Variants in CDH13 observed in about 807,000 individuals in gnomAD.
CDH13 encodes cadherin-13.
CDH13 carries 24 observed loss-of-function variants against 63.8 expected under a neutral mutation model. The observed-to-expected ratio is 0.38, with a 90% CI of 0.27 to 0.53. The LOEUF is 0.53. Among genes scored for constraint, CDH13 ranks in the 20% least tolerant of loss-of-function variants. CDH13 has a pLI of 0.85. For missense variants in CDH13, 1,049 were observed against 903.1 expected, an observed-to-expected ratio of 1.16 and a Z score of -2.07; for synonymous variants, 503 against 355.3, an observed-to-expected ratio of 1.42 and a Z score of -4.67.
intron 1 of CDH13, among the ~76,000 whole-genome samples, chr16:82,716,449 A>G (rs557516363): frequency 2.0e-5 from 3 of 151,850 alleles, no homozygotes; most frequent in Non-Finnish European, 2.9e-5. Context: ...AATTTAGATA[A>G]GTCACAAATA....
At chr16:83,238,052 C>G (rs754040741) in intron 5 of CDH13, among the ~76,000 whole-genome samples, 6 of 152,096 alleles carry the variant, frequency 3.9e-5, no homozygotes, top group Non-Finnish European at 8.8e-5. Flanking sequence ...CCTTGGAATC[C>G]TGGTTACCAA....
intron 4 of CDH13, among the ~76,000 whole-genome samples, chr16:83,186,036 C>G (rs1312254657): frequency 2.0e-5 from 3 of 151,718 alleles, no homozygotes; most frequent in African/African-American, 7.3e-5. Context: ...GTCATTTAGT[C>G]ATTAAATTAG....
intron 8 of CDH13, among the ~76,000 whole-genome samples, chr16:83,662,870 A>C (rs574526922): frequency 6.6e-6 from 1 of 152,198 alleles, no homozygotes; most frequent in Admixed American, 6.5e-5. Flanking sequence ...ACAGACAAGA[A>C]CACAGGGAAC....
At chr16:83,723,814 A>G (rs1910004792) in intron 10 of CDH13, among the ~76,000 whole-genome samples, 1 of 152,264 alleles carries the variant, frequency 6.6e-6, no homozygotes, top group African/African-American at 2.4e-5. Context: ...TAATAGCTAC[A>G]CAATAAATAT....
chr16:83,432,193 C>T (rs537929596), intron 6 of CDH13, among the ~76,000 whole-genome samples: 1 of 152,132 alleles, frequency 6.6e-6, no homozygotes, highest in Non-Finnish European at 1.5e-5. Context: ...ACGTGGGAAT[C>T]TTTTATCCAC....
At chr16:82,741,486 C>T (rs963649681) in intron 1 of CDH13, among the ~76,000 whole-genome samples, 3 of 152,184 alleles carry the variant, frequency 2.0e-5, no homozygotes, top group Admixed American at 6.5e-5. Flanking sequence ...TAATAATAGA[C>T]TGGAATTAGT....
At chr16:82,931,601 C>T (rs1400377412) in intron 2 of CDH13, among the ~76,000 whole-genome samples, 1 of 150,910 alleles carries the variant, frequency 6.6e-6, no homozygotes, top group Non-Finnish European at 1.5e-5. Flanking sequence ...ATACCTGAGA[C>T]TGGGTAATTT....
At chr16:83,028,277 A>C (rs1002042205) in intron 2 of CDH13, among the ~76,000 whole-genome samples, 7 of 152,238 alleles carry the variant, frequency 4.6e-5, no homozygotes, top group African/African-American at 1.7e-4. Flanking sequence ...CCAAAAACTG[A>C]AACTAAGCAT....
intron 5 of CDH13, among the ~76,000 whole-genome samples, chr16:83,319,490 T>G (rs538561936): frequency 1.4e-4 from 21 of 152,336 alleles, no homozygotes; most frequent in African/African-American, 5.1e-4. Flanking sequence ...TTTCTAGGCA[T>G]GTGAAAAACA....
chr16:83,473,135 C>G (rs898967593), intron 6 of CDH13, among the ~76,000 whole-genome samples: 1 of 152,176 alleles, frequency 6.6e-6, no homozygotes, highest in Non-Finnish European at 1.5e-5. Context: ...GATCCTTCAT[C>G]AAGTTTTATT....
chr16:83,494,390 C>T (rs2074088705), intron 7 of CDH13, among the ~76,000 whole-genome samples: 1 of 152,142 alleles, frequency 6.6e-6, no homozygotes, highest in Admixed American at 6.6e-5. Context: ...AGTTATTGAA[C>T]TTAAATAACA....
intron 3 of CDH13, among the ~76,000 whole-genome samples, chr16:83,108,150 C>A (rs542571385): frequency 5.3e-5 from 8 of 152,042 alleles, no homozygotes; most frequent in Non-Finnish European, 1.2e-4. Flanking sequence ...CTTTCTCTTC[C>A]TTCATTCCCC....
chr16:82,937,692 T>G (rs1437490370), intron 2 of CDH13, among the ~76,000 whole-genome samples: 1 of 152,226 alleles, frequency 6.6e-6, no homozygotes, highest in African/African-American at 2.4e-5. Context: ...CTGCAGGAAC[T>G]TCATTTTTTC....
intron 8 of CDH13, among the ~76,000 whole-genome samples, chr16:83,649,059 A>T (rs1912113735): frequency 6.6e-6 from 1 of 152,202 alleles, no homozygotes; most frequent in Admixed American, 6.5e-5. Context: ...CTTTTTACTT[A>T]AAATTTCTTA....
chr16:82,714,248 C>T (rs2032184315), intron 1 of CDH13, among the ~76,000 whole-genome samples: 1 of 152,206 alleles, frequency 6.6e-6, no homozygotes. Flanking sequence ...AACATACCCG[C>T]TTCCAAGTCT....
chr16:83,618,411 A>C (rs8058485), intron 8 of CDH13, among the ~76,000 whole-genome samples: 67,471 of 148,246 alleles, frequency 0.46, 16,820 homozygotes, highest in African/African-American at 0.67. Flanking sequence ...GAGAACAGAG[A>C]GAGACTCCAA....
chr16:82,800,128 G>T (rs745703621), intron 1 of CDH13, among the ~76,000 whole-genome samples: 1 of 152,054 alleles, frequency 6.6e-6, no homozygotes, highest in Non-Finnish European at 1.5e-5. Flanking sequence ...TGTCTGTCTT[G>T]TCAATAAGCA....
At chr16:83,730,880 G>A (rs1910968019) in intron 10 of CDH13, among the ~76,000 whole-genome samples, 1 of 152,132 alleles carries the variant, frequency 6.6e-6, no homozygotes, top group African/African-American at 2.4e-5. Context: ...TGTACTCAAT[G>A]TTTAGCTCCC....
At chr16:83,211,925 C>A (rs1474033337) in intron 4 of CDH13, among the ~76,000 whole-genome samples, 2 of 152,060 alleles carry the variant, frequency 1.3e-5, no homozygotes, top group African/African-American at 4.8e-5. Context: ...AAAAAACATC[C>A]CACTGTGAAA....
Sources: allele counts gnomAD v4.1 joint callset (sites outside exome capture counted in the v4.1 genomes callset), GRCh38; gene constraint gnomAD v4.1.1; transcripts MANE v1.5; gene names NCBI Gene and HGNC (gene_info 2026-07-23, HGNC 2026-07-21).